The following ARHGEF38 variants were observed in gnomAD, a reference collection of about 807,000 sequenced individuals.
ARHGEF38 encodes Rho guanine nucleotide exchange factor 38, also known as Rho guanine nucleotide exchange factor (GEF) 38.
In ARHGEF38, 79 loss-of-function variants were observed where a neutral mutation model predicts 79.9. That is an observed-to-expected ratio of 0.99 (90% CI 0.82 to 1.19). The LOEUF (loss-of-function observed/expected upper bound fraction) is 1.19, where lower values mean the gene tolerates loss of function less well. ARHGEF38 is among the 50% of genes most tolerant of loss of function. The pLI is 0.00. For missense variants in ARHGEF38, 962 were observed against 907.2 expected, an observed-to-expected ratio of 1.06 and a Z score of -0.78; for synonymous variants, 366 against 328.3, an observed-to-expected ratio of 1.11 and a Z score of -1.24.
chr4:105,679,397 A>G lies in ARHGEF38; in HGVS notation c.*1460A>G. On this transcript the variant is annotated 3_prime_UTR_variant, in exon 14 of 14. Transcript: ENST00000420470. ...CTCTGGTAATCTGAGACACTGCATT[A>G]CTATTCAGCTTTCTAAGTTCTTTCC... is the stretch of plus-strand genomic sequence containing the variant. The G allele has an allele frequency of 2.1e-6, 3 of 1,437,428 alleles. No individual in the cohort carries two copies. Among genetic ancestry groups the G allele is most frequent in the Non-Finnish European group, 2.9e-6 (3 of 1,021,744 alleles). The allele number at this position is 1,437,428 out of a possible 1,614,324, so 89.0% of individuals were successfully genotyped here.
chr4:105,583,155 T>C (rs947517463), intron 1 of ARHGEF38, among the ~76,000 whole-genome samples: 54 of 152,222 alleles, frequency 3.5e-4, no homozygotes, highest in African/African-American at 1.3e-3. Flanking sequence ...CCTTTCTTCA[T>C]TTGAACTGCT....
At chr4:105,599,220 G>A (rs1727716328) in intron 2 of ARHGEF38, among the ~76,000 whole-genome samples, 1 of 152,104 alleles carries the variant, frequency 6.6e-6, no homozygotes, top group Non-Finnish European at 1.5e-5. Context: ...TTGTACTGTA[G>A]TTTTATGATA....
In ARHGEF38 at chr4:105,666,286, T is replaced by C. The variant is rs750947032; in HGVS notation, c.1655T>C (p.Leu552Pro). 69 of 1,533,054 alleles carry C rather than the reference T, an allele frequency of 4.5e-5. No homozygotes were observed. In the African/African-American group the frequency reaches 8.6e-4, roughly 19 times the overall value. 95.0% of individuals were successfully genotyped at this position (1,533,054 alleles called of 1,614,324 possible). Residue 552 changes from leucine to proline, a missense_variant, in exon 11 of 14, where the codon CTC becomes CCC. Physicochemically the swap from Leu to Pro is moderately conservative, Grantham distance 98 (BLOSUM62 -3). Coordinates refer to ENST00000420470, the MANE Select transcript of ARHGEF38 (RefSeq NM_001242729.2). ...ENSATFIERK[L>P]SFEKKKPVQI... ...AGTGCCACCTTTATTGAGAGGAAACTCAGTTTTGAAAAGAAGAAACCTGTG... is the reference window on the plus strand; with the variant it reads ...AGTGCCACCTTTATTGAGAGGAAACCCAGTTTTGAAAAGAAGAAACCTGTG...
intron 2 of ARHGEF38, among the ~76,000 whole-genome samples, chr4:105,591,386 A>C (rs569560785): frequency 1.3e-5 from 2 of 152,008 alleles, no homozygotes; most frequent in East Asian, 3.9e-4. Context: ...CTGCCACCAC[A>C]CCCGGCTAAT....
chr4:105,578,750 T>C (rs1726633102), intron 1 of ARHGEF38, among the ~76,000 whole-genome samples: 1 of 152,202 alleles, frequency 6.6e-6, no homozygotes, highest in Admixed American at 6.5e-5. Flanking sequence ...TCCATTTGCA[T>C]AGAATATCTT....
At chr4:105,638,194 G>A (rs935577973) in intron 5 of ARHGEF38, among the ~76,000 whole-genome samples, 2 of 152,108 alleles carry the variant, frequency 1.3e-5, no homozygotes, top group African/African-American at 4.8e-5. Context: ...CCTCACTTAT[G>A]GCAATCAAAA....
chr4:105,625,395 G>A (rs979870252), intron 3 of ARHGEF38, among the ~76,000 whole-genome samples: 1 of 152,192 alleles, frequency 6.6e-6, no homozygotes, highest in Admixed American at 6.5e-5. Context: ...AACATTACTA[G>A]CATAATAAGA....
chr4:105,602,078 T>C (rs1027361521), intron 2 of ARHGEF38, among the ~76,000 whole-genome samples: 5 of 152,118 alleles, frequency 3.3e-5, no homozygotes, highest in African/African-American at 1.2e-4. Context: ...GGGTAAGTGA[T>C]CCAGGAAGTC....
At chr4:105,558,356 C>A (rs1725353692) in intron 1 of ARHGEF38, among the ~76,000 whole-genome samples, 1 of 152,172 alleles carries the variant, frequency 6.6e-6, no homozygotes, top group South Asian at 2.1e-4. Flanking sequence ...GCTTCCTGTG[C>A]ATGTTTCTAT....
In ARHGEF38 at chr4:105,678,130, A is replaced by G. The variant is rs1430417153; in HGVS notation, c.*193A>G. 9.5e-6 allele frequency: 4 copies of G among 419,184 alleles called. No individual in the cohort carries two copies. The highest frequency in any genetic ancestry group is 1.6e-5 in the Non-Finnish European group (4 of 243,830). The allele number at this position is 419,184 out of a possible 1,614,324, so 26.0% of individuals were successfully genotyped here. On this transcript the variant is annotated 3_prime_UTR_variant, in exon 14 of 14. Transcript: ENST00000420470. Reference sequence around the variant, plus strand: ...AATGTATTATAAAGGATACATGTTGAAAGAAATACTAAGCCAACAGAAATA... The same window carrying G: ...AATGTATTATAAAGGATACATGTTGGAAGAAATACTAAGCCAACAGAAATA...
chr4:105,681,773 G>T (rs1401169370), downstream of ARHGEF38, among the ~76,000 whole-genome samples: 1 of 152,106 alleles, frequency 6.6e-6, no homozygotes, highest in East Asian at 1.9e-4. Flanking sequence ...TGGCATAAAT[G>T]GGTTAACAAT....
chr4:105,593,645 T>A lies in ARHGEF38; in HGVS notation c.384+4210T>A, dbSNP rs150632719. Among the ~76,000 whole-genome samples, 7 of 152,350 alleles carry A rather than the reference T, an allele frequency of 4.6e-5. No homozygotes were observed. In the East Asian group the frequency reaches 1.3e-3, roughly 29 times the overall value. Reference sequence around the variant, plus strand: ...TCAAATGGACTAAGTTTACCTTATATGAAAATGTTGCCAATTTAAATAATC... The same window carrying A: ...TCAAATGGACTAAGTTTACCTTATAAGAAAATGTTGCCAATTTAAATAATC... On this transcript the variant is annotated intron_variant, in intron 2 of 13. Coordinates refer to ENST00000420470, the MANE Select transcript of ARHGEF38 (RefSeq NM_001242729.2).
Position 105,613,486 on chromosome 4 carries a change from G to T in ARHGEF38, c.487G>T (p.Glu163Ter). 1 of 1,612,974 alleles carries T rather than the reference G, an allele frequency of 6.2e-7. No individual in the cohort carries two copies. Among genetic ancestry groups the T allele is most frequent in the Non-Finnish European group, 8.5e-7 (1 of 1,179,240 alleles). Reference protein sequence around the residue: ...SLLEEATTDVEPAMQVIGEVF... With the variant: ...SLLEEATTDV ...GTTGGAAGAGGCCACAACAGACGTG[G>T]AACCGGCCATGCAAGTAATTGGTAT... Residue 163 changes from glutamate (E) to a stop codon, truncating the protein, a stop_gained, in exon 3 of 14, where the codon GAA becomes TAA. Transcript: ENST00000420470. LOFTEE classifies it high-confidence loss of function.
Position 105,667,453 on chromosome 4 carries a change from G to A in ARHGEF38, c.1898G>A (p.Gly633Glu). The stretch of plus-strand genomic sequence containing the variant: ...TTTATTTCCTATCCAGATGTGAAAG[G>A]ATATGTTTATTCCTCCTTCCTAAAA... ...RWLVDTGNVK[G>E]YVYSSFLKPY... is the part of the protein sequence containing the mutation. The change falls in exon 13 of 14, where the codon GGA (glycine) becomes GAA (glutamate). Residue 633 changes from glycine to glutamate, a missense_variant. Gly to Glu is a moderately conservative substitution (Grantham distance 98). Coordinates refer to ENST00000420470, the MANE Select transcript of ARHGEF38 (RefSeq NM_001242729.2). 1 of 1,536,148 alleles carries A rather than the reference G, an allele frequency of 6.5e-7. No homozygotes were observed.
intron 8 of ARHGEF38, among the ~76,000 whole-genome samples, 181 bp downstream of exon 8, chr4:105,654,350 T>C (rs937466723): frequency 3.9e-5 from 6 of 152,198 alleles, no homozygotes; most frequent in Non-Finnish European, 5.9e-5. Context: ...TGTTTTGCTG[T>C]TTGACCTCTT....
intron 10 of ARHGEF38, 57 bp downstream of exon 10, chr4:105,659,422 C>G (rs1316216884): frequency 1.4e-6 from 2 of 1,468,734 alleles, no homozygotes; most frequent in African/African-American, 2.8e-5. Context: ...CTGCTAGAAA[C>G]CACACCCATA....
intron 2 of ARHGEF38, among the ~76,000 whole-genome samples, chr4:105,611,401 TTA>T (rs1728288347): frequency 6.6e-6 from 1 of 152,076 alleles, no homozygotes; most frequent in Non-Finnish European, 1.5e-5. Context: ...TTCAGAGTTA[TTA>T]TACCTTTGTG....
chr4:105,601,159 C>T (rs1019594316), intron 2 of ARHGEF38, among the ~76,000 whole-genome samples: 6 of 152,192 alleles, frequency 3.9e-5, no homozygotes, highest in African/African-American at 1.4e-4. Flanking sequence ...CTACAAGGTC[C>T]TACAGGGGCT....
At position 105,636,414 on chromosome 4, in the gene ARHGEF38, T is replaced by C; in HGVS notation, c.668T>C (p.Met223Thr). The C allele has an allele frequency of 2.2e-6, 1 of 446,558 alleles. No homozygotes were observed. The highest frequency in any genetic ancestry group is 3.4e-6 in the Non-Finnish European group (1 of 297,382). 27.7% of individuals were successfully genotyped at this position (446,558 alleles called of 1,614,324 possible). A position where few individuals can be genotyped will look rare whatever the true frequency, so the allele number is the denominator to read the frequency against. The change falls in exon 5 of 14, where the codon ATG (methionine) becomes ACG (threonine). Residue 223 changes from methionine to threonine, a missense_variant. Transcript: ENST00000420470. The part of the protein sequence containing the change: ...HCIQSLKKIY[M>T]QEGKPNLLDM... ...TTCTTCTCTTACAGGAAAATATACA[T>C]GCAAGAGTAAGTACTTTTTAAAATA...
Sources: gnomAD v4.1 joint callset for allele counts (sites outside exome capture counted in the v4.1 genomes callset) on GRCh38, gnomAD v4.1.1 for gene constraint, MANE v1.5 for transcripts, NCBI Gene and HGNC (gene_info 2026-07-23, HGNC 2026-07-21) for gene names.